The following GSE1 variants were observed in gnomAD, a reference collection of about 807,000 sequenced individuals.
The protein encoded by GSE1 is genetic suppressor element 1.
Under a neutral mutation model 112.6 loss-of-function variants are expected in GSE1, and 32 were observed. That is an observed-to-expected ratio of 0.28 (90% CI 0.21 to 0.38). GSE1 has a LOEUF of 0.38. Ranked by LOEUF, GSE1 falls within the 10% of genes least tolerant of loss-of-function variation. GSE1 has a pLI of 1.00. For synonymous variants in GSE1, 1,115 were observed against 735.6 expected (o/e 1.52, Z -8.35); for missense variants, 2,348 against 1,699.2 (o/e 1.38, Z -6.71).
chr16:85,556,294 C>T (rs774495577), exon 1 of GSE1: 1,196 of 983,826 alleles, frequency 1.2e-3, no homozygotes, highest in Non-Finnish European at 1.4e-3. Flanking sequence ...TTCTTCATCC[C>T]TCTCTGGCCA....
chr16:85,514,433 C>A (rs1020470712), intron 2 of GSE1, among the ~76,000 whole-genome samples: 2 of 109,430 alleles, frequency 1.8e-5, no homozygotes, highest in South Asian at 4.8e-4. Flanking sequence ...GAGTCCCCCC[C>A]CCCACCCCAG....
intron 2 of GSE1, among the ~76,000 whole-genome samples, chr16:85,362,747 C>T (rs928191568): frequency 6.6e-6 from 1 of 151,836 alleles, no homozygotes; most frequent in African/African-American, 2.4e-5. Flanking sequence ...TGTGGCACAT[C>T]AGTGGTGGCC....
At chr16:85,359,466 C>T (rs1389927415) in intron 2 of GSE1, 2 of 453,882 alleles carry the variant, frequency 4.4e-6, no homozygotes, top group East Asian at 6.9e-5. Context: ...ATCTGAGGGA[C>T]CTTTGGCAAA....
chr16:85,613,721 G>C (rs1819504189), intron 1 of GSE1, among the ~76,000 whole-genome samples: 1 of 150,794 alleles, frequency 6.6e-6, no homozygotes, highest in Non-Finnish European at 1.5e-5. Context: ...GGGGGATGGG[G>C]GTGGCGGGGG....
intron 1 of GSE1, among the ~76,000 whole-genome samples, chr16:85,341,487 G>A (rs374307968): frequency 1.3e-5 from 2 of 151,574 alleles, no homozygotes; most frequent in South Asian, 4.3e-4. Flanking sequence ...ATGAAACCCC[G>A]TCTCTACTAA....
At chr16:85,425,531 C>A (rs114687111) in intron 2 of GSE1, among the ~76,000 whole-genome samples, 2,925 of 152,244 alleles carry the variant, frequency 0.019, 86 homozygotes, top group African/African-American at 0.067. Context: ...CTCCTCCTAG[C>A]GGGATTTGGA....
At chr16:85,552,315 G>GCGCTCAGTCT (rs1451290499), upstream of GSE1, among the ~76,000 whole-genome samples, 275 of 105,654 alleles carry the variant, frequency 2.6e-3, 1 homozygote, top group Middle Eastern at 6.8e-3. Flanking sequence ...GTGAACCACC[G>GCGCTCAGTCT]CACCCGCCCC....
intron 2 of GSE1, among the ~76,000 whole-genome samples, chr16:85,441,874 C>A (rs2049384122): frequency 6.6e-6 from 1 of 152,212 alleles, no homozygotes; most frequent in Non-Finnish European, 1.5e-5. Context: ...ATCCGAGAGC[C>A]CATTTCACTT....
intron 2 of GSE1, among the ~76,000 whole-genome samples, chr16:85,441,838 A>G (rs1782756960): frequency 6.6e-6 from 1 of 152,166 alleles, no homozygotes; most frequent in South Asian, 2.1e-4. Flanking sequence ...TTCTCCTCGC[A>G]GCAGCCAGAG....
chr16:85,337,441 G>A (rs1301691311), intron 1 of GSE1, among the ~76,000 whole-genome samples: 2 of 151,822 alleles, frequency 1.3e-5, no homozygotes, highest in Non-Finnish European at 2.9e-5. Context: ...GAGTAGCTGG[G>A]ACTACAGGCG....
rs757289990 is a variant in GSE1, at chr16:85,663,441, A to G, written c.2471A>G (p.Glu824Gly). The G allele has an allele frequency of 1.2e-6, 2 of 1,613,852 alleles. No individual in the cohort carries two copies. Among genetic ancestry groups the G allele is most frequent in the Non-Finnish European group, 1.7e-6 (2 of 1,180,034 alleles). Residue 824 changes from glutamate (E) to glycine (G), a missense_variant, in exon 11 of 16, where the codon GAG becomes GGG. Transcript: ENST00000253458. ...KRRKRRRMLR[E>G]RSPSPPTIQS... ...AGGAAGCGGCGGAGGATGCTGCGAG[A>G]GAGAAGCCCGTCGCCCCCAACAATT...
In GSE1 at chr16:85,656,683, G is replaced by C; in HGVS notation, c.1312+18G>C. 9 of 1,477,754 alleles carry C rather than the reference G, an allele frequency of 6.1e-6. No individual in the cohort carries two copies. The highest frequency in any genetic ancestry group is 8.1e-6 in the Non-Finnish European group (9 of 1,116,362). The allele number at this position is 1,477,754 out of a possible 1,614,324, so 91.5% of individuals were successfully genotyped here. ...CCGAGCAGGTACCTGGGCGTGGGTG[G>C]GCTGTGCTGGGCAAGGTCTCAGCCA... On this transcript the variant is annotated intron_variant, in intron 7 of 15. Transcript: ENST00000253458.
chr16:85,245,772 G>T (rs1489875688), intron 1 of GSE1, among the ~76,000 whole-genome samples: 1 of 152,106 alleles, frequency 6.6e-6, no homozygotes, highest in Admixed American at 6.5e-5. Flanking sequence ...CGCCTGGGGG[G>T]TGCCTTGTCC....
intron 1 of GSE1, among the ~76,000 whole-genome samples, chr16:85,248,408 CTCTG>C (rs1051853126): frequency 1.3e-5 from 2 of 151,868 alleles, no homozygotes; most frequent in Non-Finnish European, 2.9e-5. Context: ...TTTCTGTTTC[CTCTG>C]TCTCTTTTCT....
intron 2 of GSE1, among the ~76,000 whole-genome samples, chr16:85,467,402 A>C (rs2050154663): frequency 6.6e-6 from 1 of 152,252 alleles, no homozygotes; most frequent in South Asian, 2.1e-4. Flanking sequence ...TAAAACAAGA[A>C]CACAAATTTT....
At chr16:85,527,510 G>A (rs556666075) in intron 2 of GSE1, among the ~76,000 whole-genome samples, 32 of 152,246 alleles carry the variant, frequency 2.1e-4, no homozygotes, top group African/African-American at 7.5e-4. Flanking sequence ...CCTGCTGCAC[G>A]GGCATTGCCA....
At chr16:85,339,398 G>A (rs956895621) in intron 1 of GSE1, among the ~76,000 whole-genome samples, 1 of 152,106 alleles carries the variant, frequency 6.6e-6, no homozygotes, top group Non-Finnish European at 1.5e-5. Context: ...CGGTGCTGAC[G>A]AGGCCCTGGC....
chr16:85,251,490 C>T (rs1179541318), intron 1 of GSE1, among the ~76,000 whole-genome samples: 5 of 152,260 alleles, frequency 3.3e-5, no homozygotes, highest in Non-Finnish European at 5.9e-5. Context: ...GGCCGGAGGT[C>T]ATCCAGCGGG....
At chr16:85,323,555 G>A (rs574922190) in intron 1 of GSE1, among the ~76,000 whole-genome samples, 14 of 152,228 alleles carry the variant, frequency 9.2e-5, no homozygotes, top group African/African-American at 2.9e-4. Flanking sequence ...GGTAGCTCGC[G>A]GGAGGTGAGG....
Sources: allele counts gnomAD v4.1 joint callset (sites outside exome capture counted in the v4.1 genomes callset), GRCh38; gene constraint gnomAD v4.1.1; transcripts MANE v1.5; gene names NCBI Gene and HGNC (gene_info 2026-07-23, HGNC 2026-07-21).